Variants in BBS9 observed in about 807,000 individuals in gnomAD.
BBS9 encodes the protein Bardet-Biedl syndrome 9, also known as protein PTHB1.
Under a neutral mutation model 117.7 loss-of-function variants are expected in BBS9, and 89 were observed. The ratio of observed to expected loss-of-function variants is 0.76; its 90% CI spans 0.64 to 0.90. The LOEUF (loss-of-function observed/expected upper bound fraction) is 0.90. Among genes scored for constraint, BBS9 ranks in the 40% least tolerant of loss-of-function variants. BBS9 has a pLI of 0.00. For missense variants in BBS9, 982 were observed against 1,042.2 expected, an observed-to-expected ratio of 0.94 and a Z score of 0.80; for synonymous variants, 379 against 370.9, an observed-to-expected ratio of 1.02 and a Z score of -0.25.
At chr7:33,598,908 C>G (rs796701266) in intron 21 of BBS9, among the ~76,000 whole-genome samples, 1 of 152,320 alleles carries the variant, frequency 6.6e-6, no homozygotes, top group African/African-American at 2.4e-5. Context: ...TTATGGCCCA[C>G]AGGCCAAACC....
At chr7:33,440,710 A>G (rs1836036513) in intron 19 of BBS9, among the ~76,000 whole-genome samples, 1 of 152,252 alleles carries the variant, frequency 6.6e-6, no homozygotes. Context: ...TTGATGTTGG[A>G]CATAGGGAAT....
At chr7:33,387,633 TC>T (rs1028406470) in intron 18 of BBS9, among the ~76,000 whole-genome samples, 1 of 152,186 alleles carries the variant, frequency 6.6e-6, no homozygotes, top group African/African-American at 2.4e-5. Context: ...TTCTGATTTT[TC>T]TGGTGCTTTT....
intron 4 of BBS9, among the ~76,000 whole-genome samples, chr7:33,156,084 T>A (rs1794052772): frequency 6.6e-6 from 1 of 152,134 alleles, no homozygotes. Context: ...TTGAAGTACA[T>A]TTTCTTTGGT....
At chr7:33,531,248 T>C (rs1019122498) in intron 20 of BBS9, among the ~76,000 whole-genome samples, 1 of 151,842 alleles carries the variant, frequency 6.6e-6, no homozygotes, top group Admixed American at 6.6e-5. Flanking sequence ...TCTGTCTCAA[T>C]AGAGAGAGGG....
chr7:33,163,818 G>A (rs1795241558), intron 4 of BBS9, among the ~76,000 whole-genome samples: 1 of 151,996 alleles, frequency 6.6e-6, no homozygotes, highest in African/African-American at 2.4e-5. Flanking sequence ...GGTTTTTTGT[G>A]TCTCTATTTC....
At chr7:33,412,367 G>T (rs1195962568) in intron 19 of BBS9, among the ~76,000 whole-genome samples, 1 of 152,186 alleles carries the variant, frequency 6.6e-6, no homozygotes, top group African/African-American at 2.4e-5. Flanking sequence ...TAGGTGCTCA[G>T]TACACATTTG....
At chr7:33,497,313 G>A (rs56357411) in intron 19 of BBS9, among the ~76,000 whole-genome samples, 1,969 of 152,226 alleles carry the variant, frequency 0.013, 47 homozygotes, top group African/African-American at 0.045. Flanking sequence ...GATTTAAGAA[G>A]CAGAAAAAAT....
At chr7:33,360,088 A>G (rs550202987) in intron 16 of BBS9, among the ~76,000 whole-genome samples, 6 of 152,164 alleles carry the variant, frequency 3.9e-5, no homozygotes, top group East Asian at 1.9e-4. Context: ...TAATGATTAC[A>G]TAGTATTCTC....
chr7:33,388,653 C>A (rs1020328396), intron 19 of BBS9, among the ~76,000 whole-genome samples: 1 of 152,142 alleles, frequency 6.6e-6, no homozygotes, highest in African/African-American at 2.4e-5. Flanking sequence ...TCTTCTTGAT[C>A]ACCTTCCATC....
At chr7:33,142,067 C>T (rs1791560396) in intron 1 of BBS9, among the ~76,000 whole-genome samples, 1 of 152,024 alleles carries the variant, frequency 6.6e-6, no homozygotes, top group Non-Finnish European at 1.5e-5. Context: ...TCCCGAGTAA[C>T]TGGGACTACC....
At chr7:33,593,908 A>G (rs1447485693) in intron 21 of BBS9, among the ~76,000 whole-genome samples, 1 of 152,192 alleles carries the variant, frequency 6.6e-6, no homozygotes, top group Non-Finnish European at 1.5e-5. Flanking sequence ...TTGTGTTTAC[A>G]TAATTATCAA....
At chr7:33,172,395 A>G (rs942023098) in intron 4 of BBS9, among the ~76,000 whole-genome samples, 1 of 145,668 alleles carries the variant, frequency 6.9e-6, no homozygotes, top group Non-Finnish European at 1.5e-5. Flanking sequence ...AAAAAATAAT[A>G]AAAAAAAAAA....
intron 21 of BBS9, among the ~76,000 whole-genome samples, chr7:33,558,177 A>G (rs1213394508): frequency 6.6e-6 from 1 of 152,228 alleles, no homozygotes; most frequent in African/African-American, 2.4e-5. Context: ...ATTATGGGGA[A>G]CAAAATAGAC....
intron 17 of BBS9, among the ~76,000 whole-genome samples, chr7:33,376,175 C>A (rs538824968): frequency 1.1e-4 from 16 of 152,140 alleles, no homozygotes; most frequent in African/African-American, 3.6e-4. Context: ...TGATTTTCTC[C>A]TTCCTCCCAC....
intron 2 of BBS9, among the ~76,000 whole-genome samples, chr7:33,152,434 T>C (rs1176765400): frequency 6.6e-6 from 1 of 152,172 alleles, no homozygotes; most frequent in Non-Finnish European, 1.5e-5. Flanking sequence ...AAATTATGAC[T>C]TTGATACCAA....
rs538577959 is a variant in BBS9 at position 33,415,292 on chromosome 7, A to G, written c.2115+27148A>G. On this transcript the variant is annotated intron_variant, in intron 19 of 22. Coordinates refer to ENST00000242067, the MANE Select transcript of BBS9 (RefSeq NM_198428.3). Reference sequence around the variant, plus strand: ...TAGGGAGAAAGCTAATAGAAATACAAACTGAGAACTATAGTTTTCCCCATA... The same window carrying G: ...TAGGGAGAAAGCTAATAGAAATACAGACTGAGAACTATAGTTTTCCCCATA... Among the ~76,000 whole-genome samples, 38 of 152,198 alleles carry G rather than the reference A, an allele frequency of 2.5e-4. 1 individual carries two copies. Among genetic ancestry groups the G allele is most frequent in the Admixed American group, 2.5e-3 (38 of 15,284 alleles).
chr7:33,564,188 T>A (rs1261344588), intron 21 of BBS9, among the ~76,000 whole-genome samples: 1 of 152,210 alleles, frequency 6.6e-6, no homozygotes, highest in African/African-American at 2.4e-5. Flanking sequence ...TACATTATAG[T>A]GTAATTTATC....
At chr7:33,432,714 G>A (rs936619985) in intron 19 of BBS9, among the ~76,000 whole-genome samples, 4 of 151,732 alleles carry the variant, frequency 2.6e-5, no homozygotes, top group Non-Finnish European at 5.9e-5. Flanking sequence ...AAACTATATC[G>A]CTTTTATTAG....
At position 33,406,093 on chromosome 7, in the gene BBS9, T is replaced by A. The variant is rs528804466; in HGVS notation, c.2115+17949T>A. On this transcript the variant is annotated intron_variant, in intron 19 of 22. Transcript: ENST00000242067. ...GAACTTTATTTCTGCCTTCATTTCG[T>A]TATGTACCCAGTAGTCATTCAGGAG... is the stretch of plus-strand genomic sequence containing the variant. 4.9e-3 allele frequency among the ~76,000 whole-genome samples: 751 copies of A among 152,332 alleles called. 9 individuals carry two copies. The highest frequency in any genetic ancestry group is 0.017 in the African/African-American group (708 of 41,564).
Sources: allele counts gnomAD v4.1 joint callset (sites outside exome capture counted in the v4.1 genomes callset), GRCh38; gene constraint gnomAD v4.1.1; transcripts MANE v1.5; gene names NCBI Gene and HGNC (gene_info 2026-07-23, HGNC 2026-07-21).